The following KHDRBS1 variants were observed in gnomAD, a reference collection of about 807,000 sequenced individuals.
The protein encoded by KHDRBS1 is KH RNA binding domain containing, signal transduction associated 1.
KHDRBS1 carries 7 observed loss-of-function variants against 48.4 expected under a neutral mutation model. The ratio of observed to expected loss-of-function variants is 0.14; its 90% confidence interval spans 0.08 to 0.27. The LOEUF is 0.27. Ranked by LOEUF, KHDRBS1 falls within the 10% of genes least tolerant of loss-of-function variation. The probability of loss-of-function intolerance (pLI) is 1.00; values close to 1 mark genes in which losing one functional copy is unlikely to be tolerated. For missense variants in KHDRBS1, 458 were observed against 601.2 expected (o/e 0.76, Z 2.49); for synonymous variants, 241 against 235.8 (o/e 1.02, Z -0.20).
In KHDRBS1 at chr1:32,033,159, G is replaced by T. The variant is rs775701403; in HGVS notation, c.625-29G>T. 18 of 1,601,388 alleles carry T rather than the reference G, an allele frequency of 1.1e-5. 1 individual carries two copies. The highest frequency in any genetic ancestry group is 5.5e-5 in the South Asian group (5 of 90,828). ...GGTGGTGTTTTCTCCCTAGTCCATG[G>T]TGTGACATTTCTCTGCATTTTTCCA... is the stretch of plus-strand genomic sequence containing the variant. On this transcript the variant is annotated intron_variant, in intron 3 of 8. Transcript: ENST00000327300.
At chr1:32,047,050 G>A (rs541242217), downstream of KHDRBS1, among the ~76,000 whole-genome samples, 55 of 152,286 alleles carry the variant, frequency 3.6e-4, no homozygotes, top group African/African-American at 1.3e-3. Flanking sequence ...TGGAAAGGCA[G>A]GTTCTGTTTG....
At chr1:32,017,031 A>G (rs1414959386) in intron 1 of KHDRBS1, among the ~76,000 whole-genome samples, 3 of 152,072 alleles carry the variant, frequency 2.0e-5, no homozygotes, top group Non-Finnish European at 2.9e-5. Context: ...GCTGAGGCAG[A>G]CGGATCACTT....
At position 32,055,225 on chromosome 1, in the gene KHDRBS1, G is replaced by A. The variant is rs188510329; in HGVS notation, n.1302-4938G>A. ...AGCACTTTGGGAAGCCAAGGCGGGC[G>A]GATCATGAGGTCAGGAGTTTGAGAC... On this transcript the variant is annotated intron_variant and non_coding_transcript_variant, in intron 10 of 10. Transcript: ENST00000484270. Among the ~76,000 whole-genome samples, 165 of 152,254 alleles carry A rather than the reference G, an allele frequency of 1.1e-3. 1 individual carries two copies. The highest frequency in any genetic ancestry group is 3.8e-3 in the African/African-American group (156 of 41,560).
chr1:32,049,652 T>A (rs1639394394), intron 10 of KHDRBS1, among the ~76,000 whole-genome samples: 1 of 150,998 alleles, frequency 6.6e-6, no homozygotes, highest in South Asian at 2.1e-4. Flanking sequence ...ACTCTGTTTA[T>A]TTTTTTATTT....
chr1:32,057,778 G>A (rs1475339560), intron 10 of KHDRBS1, among the ~76,000 whole-genome samples: 17 of 147,296 alleles, frequency 1.2e-4, no homozygotes, highest in Admixed American at 7.5e-4. Flanking sequence ...CAGCCTGGGC[G>A]ACAGAGCGAG....
chr1:32,027,878 C>G (rs947651810), intron 1 of KHDRBS1, among the ~76,000 whole-genome samples: 1 of 152,088 alleles, frequency 6.6e-6, no homozygotes. Context: ...TTTGGGAGGC[C>G]GAGGCGAGTG....
At chr1:32,057,809 A>AAG (rs529167671) in intron 10 of KHDRBS1, among the ~76,000 whole-genome samples, 17 of 146,538 alleles carry the variant, frequency 1.2e-4, no homozygotes, top group East Asian at 2.1e-4. Flanking sequence ...AAAAAAAAAA[A>AAG]AGAGAGAGAG....
chr1:32,059,165 G>GA (rs1163066227), intron 10 of KHDRBS1, among the ~76,000 whole-genome samples: 2,593 of 45,424 alleles, frequency 0.057, 82 homozygotes, highest in Non-Finnish European at 0.072. Flanking sequence ...TGTCTCAGGA[G>GA]AAAAAAAAAA....
At chr1:32,036,327 C>T (rs1228253461) in intron 4 of KHDRBS1, among the ~76,000 whole-genome samples, 1 of 151,796 alleles carries the variant, frequency 6.6e-6, no homozygotes, top group African/African-American at 2.4e-5. Context: ...GCCTGCCGCG[C>T]CCGGCTAATT....
chr1:32,028,563 C>T (rs1327778581), intron 1 of KHDRBS1, among the ~76,000 whole-genome samples: 1 of 137,860 alleles, frequency 7.3e-6, no homozygotes, highest in South Asian at 2.3e-4. Flanking sequence ...AGTGCAGTGG[C>T]GCGATCTCGG....
intron 1 of KHDRBS1, among the ~76,000 whole-genome samples, chr1:32,023,980 G>A (rs1008315643): frequency 1.3e-5 from 2 of 152,212 alleles, no homozygotes; most frequent in African/African-American, 2.4e-5. Context: ...GGCCTGGCGC[G>A]GTGGCTCACG....
chr1:32,025,393 C>T (rs530195489), intron 1 of KHDRBS1, among the ~76,000 whole-genome samples: 11 of 150,464 alleles, frequency 7.3e-5, no homozygotes, highest in South Asian at 2.1e-4. Context: ...CTCCGCCTCC[C>T]GGGTTCAAGC....
At chr1:32,026,624 C>T (rs1638975551) in intron 1 of KHDRBS1, among the ~76,000 whole-genome samples, 1 of 152,174 alleles carries the variant, frequency 6.6e-6, no homozygotes, top group Admixed American at 6.5e-5. Flanking sequence ...CATTACATTG[C>T]ATATAAACAC....
chr1:32,057,162 C>T (rs1384867299), intron 10 of KHDRBS1, among the ~76,000 whole-genome samples: 3 of 152,038 alleles, frequency 2.0e-5, no homozygotes, highest in East Asian at 1.9e-4. Flanking sequence ...AAGTTGAAGC[C>T]GAGGTACGAA....
At position 32,033,223 on chromosome 1, in the gene KHDRBS1, T is replaced by C. The variant is rs563818999; in HGVS notation, c.660T>C (p.Tyr220=). The C allele has an allele frequency of 8.1e-6, 13 of 1,614,124 alleles. No individual in the cohort carries two copies. In the Admixed American group the frequency reaches 1.2e-4, roughly 14 times the overall value. The change falls in exon 4 of 9, where the codon TAT becomes TAC. Residue 220 remains tyrosine, a synonymous_variant. Coordinates refer to ENST00000327300, the MANE Select transcript of KHDRBS1 (RefSeq NM_006559.3). ...EELRKGGDPK[Y]AHLNMDLHVF... is the part of the protein sequence containing the mutation. ...TGCGCAAAGGTGGAGACCCCAAATA[T>C]GCCCACTTGAATATGGATCTGCATG...
chr1:32,014,207 C>T lies in KHDRBS1; in HGVS notation c.212C>T (p.Ala71Val), dbSNP rs1167822080. The change falls in exon 1 of 9, where the codon GCC (alanine) becomes GTC (valine). Residue 71 changes from alanine (A) to valine (V), a missense_variant. Physicochemically the swap from Ala to Val is moderately conservative, Grantham distance 64. Transcript: ENST00000327300. ...CCGCCACCGCTGCTGCCGCCCTCGG[C>T]CACGGGTCCCGACGCGACAGTGGGC... is the stretch of plus-strand genomic sequence containing the variant. ...TQPPPLLPPS[A>V]TGPDATVGGP... 18 of 1,407,408 alleles carry T rather than the reference C, an allele frequency of 1.3e-5. No homozygotes were observed. The highest frequency in any genetic ancestry group is 1.7e-5 in the Non-Finnish European group (18 of 1,069,912). The allele number at this position is 1,407,408 out of a possible 1,614,324, so 87.2% of individuals were successfully genotyped here.
downstream of KHDRBS1, among the ~76,000 whole-genome samples, chr1:32,045,772 T>G (rs555170249): frequency 6.6e-6 from 1 of 152,350 alleles, no homozygotes; most frequent in Admixed American, 6.5e-5. Flanking sequence ...GGAACTGTAG[T>G]GGCTGCAGGG....
chr1:32,052,068 G>A (rs985231981), intron 10 of KHDRBS1, among the ~76,000 whole-genome samples: 1 of 152,170 alleles, frequency 6.6e-6, no homozygotes, highest in African/African-American at 2.4e-5. Context: ...AGGGAAAATA[G>A]GCAGCTTTGT....
At chr1:32,028,071 T>G (rs916063585) in intron 1 of KHDRBS1, among the ~76,000 whole-genome samples, 1 of 152,316 alleles carries the variant, frequency 6.6e-6, no homozygotes, top group Non-Finnish European at 1.5e-5. Context: ...GAGCAGAGAT[T>G]GCACCACTGC....
Sources: allele counts gnomAD v4.1 joint callset (sites outside exome capture counted in the v4.1 genomes callset), GRCh38; gene constraint gnomAD v4.1.1; transcripts MANE v1.5; gene names NCBI Gene and HGNC (gene_info 2026-07-23, HGNC 2026-07-21).